The following DNM3 variants were observed in gnomAD, a reference collection of about 807,000 sequenced individuals.
DNM3 encodes dynamin-3.
A neutral mutation model predicts 101.6 loss-of-function variants in DNM3; 47 were observed. The observed-to-expected ratio is 0.46, with a 90% CI of 0.37 to 0.59. The LOEUF is 0.59. Among genes scored for constraint, DNM3 ranks in the 20% least tolerant of loss-of-function variants. The pLI is 0.00. For missense variants in DNM3, 849 were observed against 1,085.7 expected, an observed-to-expected ratio of 0.78 and a Z score of 3.06; for synonymous variants, 385 against 387.9, an observed-to-expected ratio of 0.99 and a Z score of 0.09.
At chr1:171,848,550 C>T (rs1364058043) in intron 1 of DNM3, among the ~76,000 whole-genome samples, 4 of 152,056 alleles carry the variant, frequency 2.6e-5, no homozygotes. Context: ...TTGCTTAAAC[C>T]AACACGAGCT....
intron 13 of DNM3, among the ~76,000 whole-genome samples, chr1:172,125,745 A>G (rs542094369): frequency 1.1e-4 from 17 of 152,306 alleles, no homozygotes; most frequent in African/African-American, 4.1e-4. Flanking sequence ...GTTTACTCGA[A>G]TACTCAAAAC....
intron 14 of DNM3, among the ~76,000 whole-genome samples, chr1:172,207,249 T>C (rs557904662): frequency 4.6e-5 from 7 of 152,084 alleles, no homozygotes; most frequent in Admixed American, 2.0e-4. Flanking sequence ...CAGTGTTATA[T>C]TGACATTGTG....
At chr1:172,203,719 CT>C (rs2060230321) in intron 14 of DNM3, among the ~76,000 whole-genome samples, 1 of 152,102 alleles carries the variant, frequency 6.6e-6, no homozygotes, top group Non-Finnish European at 1.5e-5. Flanking sequence ...AATGTTTAGC[CT>C]TGTTTTCTTC....
At chr1:171,867,185 G>A (rs545965536) in intron 1 of DNM3, among the ~76,000 whole-genome samples, 20 of 152,324 alleles carry the variant, frequency 1.3e-4, no homozygotes, top group African/African-American at 4.3e-4. Flanking sequence ...GGATAAAGGA[G>A]CTGAAGGTCA....
At chr1:171,846,118 A>C (rs2032048210) in intron 1 of DNM3, among the ~76,000 whole-genome samples, 2 of 152,208 alleles carry the variant, frequency 1.3e-5, no homozygotes, top group African/African-American at 4.8e-5. Context: ...CCCAAGGTCT[A>C]TAAATAAAGT....
intron 14 of DNM3, among the ~76,000 whole-genome samples, chr1:172,245,291 G>T (rs1417928774): frequency 6.6e-6 from 1 of 152,184 alleles, no homozygotes; most frequent in South Asian, 2.1e-4. Context: ...TTCTTTAGGG[G>T]TTTATCTTGT....
chr1:172,142,051 G>A (rs1021514179), intron 14 of DNM3: 5 of 151,982 alleles, frequency 3.3e-5, no homozygotes, highest in Admixed American at 6.6e-5. Flanking sequence ...AAATAATTAT[G>A]AAATTTCTAT....
intron 4 of DNM3, among the ~76,000 whole-genome samples, chr1:172,025,729 A>C (rs892355162): frequency 2.0e-5 from 3 of 152,222 alleles, no homozygotes; most frequent in African/African-American, 7.2e-5. Context: ...GTTAGAAGGA[A>C]AACTAACAAA....
chr1:172,115,587 C>T (rs940312679), intron 13 of DNM3, among the ~76,000 whole-genome samples: 4 of 152,194 alleles, frequency 2.6e-5, no homozygotes, highest in Admixed American at 6.5e-5. Context: ...GCTCCTCCCC[C>T]TCTCGCTCAC....
At chr1:171,860,557 A>G (rs1157852496) in intron 1 of DNM3, among the ~76,000 whole-genome samples, 2 of 152,156 alleles carry the variant, frequency 1.3e-5, no homozygotes, top group Non-Finnish European at 2.9e-5. Context: ...CTATTAGAAC[A>G]TTTAAAGTTA....
At chr1:172,038,898 C>T (rs747323739) in intron 7 of DNM3, among the ~76,000 whole-genome samples, 10 of 151,056 alleles carry the variant, frequency 6.6e-5, no homozygotes, top group Non-Finnish European at 1.2e-4. Context: ...GAATGAGAAC[C>T]AAGGGTTTAA....
intron 17 of DNM3, among the ~76,000 whole-genome samples, chr1:172,349,194 T>C (rs2067088364): frequency 6.6e-6 from 1 of 152,226 alleles, no homozygotes; most frequent in Non-Finnish European, 1.5e-5. Flanking sequence ...ATATACTGAC[T>C]ATTTTCTAAT....
At chr1:171,841,895 C>T in intron 1 of DNM3, 78 bp downstream of exon 1, 1 of 1,488,324 alleles carries the variant, frequency 6.7e-7, no homozygotes, top group Non-Finnish European at 8.9e-7. Context: ...GGACGGGCAG[C>T]GGGAGCCAGA....
At chr1:172,081,430 A>G (rs572890850) in intron 11 of DNM3, among the ~76,000 whole-genome samples, 1 of 152,222 alleles carries the variant, frequency 6.6e-6, no homozygotes, top group Non-Finnish European at 1.5e-5. Flanking sequence ...TGGCTAATAT[A>G]TGATGTCTAC....
At chr1:172,013,235 C>T (rs899134562) in intron 4 of DNM3, among the ~76,000 whole-genome samples, 2 of 151,836 alleles carry the variant, frequency 1.3e-5, no homozygotes, top group Non-Finnish European at 2.9e-5. Context: ...TGAAATGACA[C>T]CCCACTTATA....
At chr1:172,002,253 A>C (rs1229429515) in intron 4 of DNM3, among the ~76,000 whole-genome samples, 1 of 152,100 alleles carries the variant, frequency 6.6e-6, no homozygotes, top group Admixed American at 6.6e-5. Flanking sequence ...AATCAGATTA[A>C]AAAATGACTT....
At chr1:171,843,020 G>C (rs567936901) in intron 1 of DNM3, among the ~76,000 whole-genome samples, 1 of 152,320 alleles carries the variant, frequency 6.6e-6, no homozygotes, top group South Asian at 2.1e-4. Flanking sequence ...GATGCAGAAG[G>C]TTCCTGTTTC....
intron 1 of DNM3, among the ~76,000 whole-genome samples, chr1:171,918,783 A>G (rs941824929): frequency 6.6e-6 from 1 of 152,130 alleles, no homozygotes; most frequent in Non-Finnish European, 1.5e-5. Context: ...AAAATGTTAG[A>G]TGTATCTGTG....
intron 1 of DNM3, among the ~76,000 whole-genome samples, chr1:171,843,594 A>G (rs1316164155): frequency 3.9e-5 from 6 of 152,158 alleles, no homozygotes; most frequent in African/African-American, 1.2e-4. Context: ...TCTCCCATAT[A>G]TTTACTTGGA....
Sources: gnomAD v4.1 joint callset for allele counts (sites outside exome capture counted in the v4.1 genomes callset) on GRCh38, gnomAD v4.1.1 for gene constraint, MANE v1.5 for transcripts, NCBI Gene and HGNC (gene_info 2026-07-23, HGNC 2026-07-21) for gene names.